The following KAZN variants were observed in gnomAD, a reference collection of about 807,000 sequenced individuals.
KAZN encodes the protein kazrin.
KAZN carries 40 observed loss-of-function variants against 87.4 expected under a neutral mutation model. The observed-to-expected ratio is 0.46, with a 90% confidence interval of 0.36 to 0.60. The LOEUF is 0.60. Among genes scored for constraint, KAZN ranks in the 20% least tolerant of loss-of-function variants. The pLI, the probability that KAZN is intolerant of heterozygous loss-of-function variation, is 0.00. For missense variants in KAZN, 898 were observed against 1,073.9 expected (o/e 0.84, Z 2.29); for synonymous variants, 466 against 458.3 (o/e 1.02, Z -0.22).
intron 2 of KAZN, among the ~76,000 whole-genome samples, chr1:14,980,472 A>G (rs1666123473): frequency 6.6e-6 from 1 of 152,154 alleles, no homozygotes; most frequent in Non-Finnish European, 1.5e-5. Context: ...CGTTCGTGCT[A>G]CGCGCAGGTG....
At chr1:14,018,706 C>T (rs1274257666) in intron 1 of KAZN, among the ~76,000 whole-genome samples, 1 of 152,166 alleles carries the variant, frequency 6.6e-6, no homozygotes, top group African/African-American at 2.4e-5. Context: ...GATTTTCTGG[C>T]TCTCTCCTGA....
intron 1 of KAZN, among the ~76,000 whole-genome samples, chr1:14,823,397 C>T (rs938420865): frequency 6.6e-6 from 1 of 152,016 alleles, no homozygotes; most frequent in Non-Finnish European, 1.5e-5. Flanking sequence ...TCCTGCACAG[C>T]CTTGGAGAAT....
rs1640799714 is a variant in KAZN at position 15,096,221 on chromosome 1, A to T, written c.1547+1288A>T. On this transcript the variant is annotated intron_variant, in intron 10 of 14. Transcript: ENST00000376030. This position sits in a 1 kb window ranked among gnomAD's most constrained non-coding sequence, Gnocchi z 4.5. ...GGGTCCATAAACACTGCCTGTGTTC[A>T]ATGAACAGGGTGGGGATGACTGCTT... Among the ~76,000 whole-genome samples, 1 of 152,220 alleles carries T rather than the reference A, an allele frequency of 6.6e-6. No homozygotes were observed. The highest frequency in any genetic ancestry group is 2.4e-5 in the African/African-American group (1 of 41,460).
intron 2 of KAZN, among the ~76,000 whole-genome samples, chr1:14,531,191 C>T (rs1381218677): frequency 6.6e-6 from 1 of 152,162 alleles, no homozygotes; most frequent in Non-Finnish European, 1.5e-5. Context: ...CACTACAGAG[C>T]CCAAGACTCA....
intron 2 of KAZN, among the ~76,000 whole-genome samples, chr1:14,216,950 G>A (rs1646969004): frequency 6.6e-6 from 1 of 152,086 alleles, no homozygotes; most frequent in African/African-American, 2.4e-5. Context: ...ATAGAAATGG[G>A]CAACAGGAAA....
At chr1:14,020,085 G>A (rs1363014795) in intron 1 of KAZN, among the ~76,000 whole-genome samples, 1 of 151,842 alleles carries the variant, frequency 6.6e-6, no homozygotes, top group African/African-American at 2.4e-5. Context: ...TTCTCATCAG[G>A]AGCATGCAGC....
At chr1:14,359,783 T>C (rs868481821) in intron 2 of KAZN, among the ~76,000 whole-genome samples, 1 of 152,218 alleles carries the variant, frequency 6.6e-6, no homozygotes, top group Non-Finnish European at 1.5e-5. Flanking sequence ...TTCTGGCTTG[T>C]AGGGTTTCTG....
intron 1 of KAZN, among the ~76,000 whole-genome samples, chr1:13,982,642 A>G (rs1411283698): frequency 6.6e-6 from 1 of 152,132 alleles, no homozygotes; most frequent in East Asian, 1.9e-4. Flanking sequence ...GTCTGTTTTG[A>G]CAGGGCGCTG....
chr1:14,773,489 GC>G lies in KAZN; in HGVS notation c.226+174269del, dbSNP rs1645079437. ...ACGTAAACACCCCCGAGGGAGGAAG[GC>G]CCTTCCAGAGTGGTCACTGGGAGGC... On this transcript the variant is annotated intron_variant, in intron 1 of 14. Transcript: ENST00000376030. This position sits in a 1 kb window ranked among gnomAD's most constrained non-coding sequence, Gnocchi z 5.9. Among the ~76,000 whole-genome samples, 1 of 152,132 alleles carries G rather than the reference GC, an allele frequency of 6.6e-6. No homozygotes were observed. The highest frequency in any genetic ancestry group is 2.4e-5 in the African/African-American group (1 of 41,440).
intron 2 of KAZN, among the ~76,000 whole-genome samples, chr1:14,325,924 C>G (rs2100853527): frequency 6.6e-6 from 1 of 152,292 alleles, no homozygotes; most frequent in African/African-American, 2.4e-5. Context: ...ATCCCCCTCT[C>G]CTCTTAGTGG....
Position 14,778,684 on chromosome 1 carries a change from T to C in KAZN, c.226+179461T>C, listed in dbSNP as rs200948760. On this transcript the variant is annotated intron_variant, in intron 1 of 14. Coordinates refer to ENST00000376030, the MANE Select transcript of KAZN (RefSeq NM_201628.3). ...AGGTACTGGTTATCCAGTGTTTCAG[T>C]TCTCTTTTGCCACGTAACAACCCCC... Among the ~76,000 whole-genome samples the C allele has an allele frequency of 2.0e-3, 311 of 152,282 alleles. 2 individuals carry two copies. The highest frequency in any genetic ancestry group is 7.2e-3 in the African/African-American group (300 of 41,556).
intron 1 of KAZN, among the ~76,000 whole-genome samples, chr1:13,933,490 C>G (rs531852877): frequency 6.6e-6 from 1 of 152,106 alleles, no homozygotes; most frequent in South Asian, 2.1e-4. Flanking sequence ...AAAACTCCGT[C>G]CCCCCCAAAA....
chr1:14,156,504 A>G (rs184211312), intron 1 of KAZN, among the ~76,000 whole-genome samples: 5 of 152,326 alleles, frequency 3.3e-5, no homozygotes, highest in African/African-American at 9.6e-5. Flanking sequence ...TTTGCTTTAT[A>G]TATCTGGGTC....
intron 2 of KAZN, among the ~76,000 whole-genome samples, chr1:14,449,108 G>A (rs960229279): frequency 1.3e-5 from 2 of 152,216 alleles, no homozygotes; most frequent in African/African-American, 2.4e-5. Flanking sequence ...ATTCAAATGA[G>A]CTTTAACCAA....
chr1:15,097,111 C>A (rs1640838782), intron 10 of KAZN, among the ~76,000 whole-genome samples: 2 of 152,192 alleles, frequency 1.3e-5, no homozygotes, highest in Admixed American at 1.3e-4. Flanking sequence ...CTGTTTCCCA[C>A]CTGAGAAGTG....
chr1:15,067,489 C>T, intron 8 of KAZN: 1 of 985,468 alleles, frequency 1.0e-6, no homozygotes, highest in Non-Finnish European at 1.2e-6. Context: ...ACTCAATTTC[C>T]TTATTCTTTT....
chr1:14,212,651 A>G (rs1646877701), intron 2 of KAZN, among the ~76,000 whole-genome samples: 1 of 152,192 alleles, frequency 6.6e-6, no homozygotes, highest in Non-Finnish European at 1.5e-5. Flanking sequence ...AGGTAGGTAT[A>G]TCCAGAAGAA....
intron 1 of KAZN, among the ~76,000 whole-genome samples, chr1:14,017,929 G>C (rs1183119397): frequency 6.6e-6 from 1 of 152,172 alleles, no homozygotes; most frequent in East Asian, 1.9e-4. Flanking sequence ...GAGCAGCCAG[G>C]GTAATGATCA....
At chr1:14,804,153 G>A (rs1262080570) in intron 1 of KAZN, among the ~76,000 whole-genome samples, 4 of 152,202 alleles carry the variant, frequency 2.6e-5, no homozygotes, top group Non-Finnish European at 4.4e-5. Context: ...GGTCTGTGCT[G>A]TCCCCCTCCA....
Sources: gnomAD v4.1 joint callset for allele counts (sites outside exome capture counted in the v4.1 genomes callset) on GRCh38, gnomAD v4.1.1 for gene constraint, Gnocchi (gnomAD v3.1) non-coding constraint, MANE v1.5 for transcripts, NCBI Gene and HGNC (gene_info 2026-07-23, HGNC 2026-07-21) for gene names.